Variants in NUMB observed in about 807,000 individuals in gnomAD.
NUMB encodes the protein protein numb homolog.
A neutral mutation model predicts 59.7 loss-of-function variants in NUMB; 29 were observed. That is an observed-to-expected ratio of 0.49 (90% confidence interval 0.36 to 0.66). The LOEUF (loss-of-function observed/expected upper bound fraction) is 0.66. NUMB is among the 30% of genes least tolerant of loss of function. The probability of loss-of-function intolerance (pLI) is 0.00; values close to 1 mark genes in which losing one functional copy is unlikely to be tolerated. For synonymous variants in NUMB, 288 were observed against 288.2 expected, an observed-to-expected ratio of 1.00 and a Z score of 0.01; for missense variants, 723 against 822.0, an observed-to-expected ratio of 0.88 and a Z score of 1.47.
intron 4 of NUMB, among the ~76,000 whole-genome samples, chr14:73,331,480 G>A (rs542308742): frequency 3.3e-5 from 5 of 152,238 alleles, no homozygotes; most frequent in Non-Finnish European, 5.9e-5. Context: ...CCAGGGAGGC[G>A]GAGCTTGCAG....
intron 2 of NUMB, among the ~76,000 whole-genome samples, chr14:73,408,226 C>CA (rs11293087): frequency 1.2e-4 from 18 of 144,250 alleles, no homozygotes; most frequent in East Asian, 6.1e-4. Context: ...GACTCCGTCT[C>CA]AAAAAAAAAA....
chr14:73,436,561 G>A (rs529862706), intron 1 of NUMB, among the ~76,000 whole-genome samples: 2 of 151,998 alleles, frequency 1.3e-5, no homozygotes, highest in South Asian at 2.1e-4. Flanking sequence ...CTCATGATCC[G>A]CCCACCTTGG....
intron 6 of NUMB, among the ~76,000 whole-genome samples, chr14:73,310,116 CAA>C (rs1890695305): frequency 1.3e-5 from 2 of 151,992 alleles, no homozygotes; most frequent in African/African-American, 2.4e-5. Context: ...AAAAATAAAT[CAA>C]AGTGACATAA....
At chr14:73,297,893 T>TA (rs1227812195) in intron 6 of NUMB, 1 of 150,512 alleles carries the variant, frequency 6.6e-6, no homozygotes, top group Non-Finnish European at 1.5e-5. Context: ...TCCTAATAAT[T>TA]TTTTTTTTTT....
intron 1 of NUMB, among the ~76,000 whole-genome samples, chr14:73,429,167 C>A (rs961082640): frequency 6.6e-6 from 1 of 151,510 alleles, no homozygotes; most frequent in Non-Finnish European, 1.5e-5. Flanking sequence ...GTCAGGAGAT[C>A]GAGACCATCC....
intron 1 of NUMB, among the ~76,000 whole-genome samples, chr14:73,440,485 T>C (rs77990560): frequency 0.051 from 7,790 of 151,602 alleles, 647 homozygotes; most frequent in African/African-American, 0.18. Context: ...AAAACATAGG[T>C]ATAAATATTC....
intron 4 of NUMB, among the ~76,000 whole-genome samples, chr14:73,337,089 G>A (rs973330338): frequency 6.6e-6 from 1 of 151,656 alleles, no homozygotes; most frequent in Non-Finnish European, 1.5e-5. Flanking sequence ...AAAATTAGCC[G>A]GGCGTGGTGG....
chr14:73,395,748 A>G (rs1021288079), intron 2 of NUMB, among the ~76,000 whole-genome samples: 3 of 152,224 alleles, frequency 2.0e-5, no homozygotes, highest in African/African-American at 7.2e-5. Flanking sequence ...GTAGGTATTC[A>G]TATGTATAGC....
In NUMB at chr14:73,282,470, A is replaced by T. The variant is rs1388207338; in HGVS notation, c.985T>A (p.Ser329Thr). ...EVEGEAESISSLCSQITNAFS... is the reference protein window; with the variant it reads ...EVEGEAESISTLCSQITNAFS... The stretch of plus-strand genomic sequence containing the variant: ...GCATTGGTGATCTGTGAGCACAGGG[A>T]GCTGATGCTCTCTGCCTCCCCTTCT... The change falls in exon 11 of 13, where the codon TCC becomes ACC. Residue 329 changes from serine to threonine, a missense_variant. By Grantham distance (58) the Ser-to-Thr change is moderately conservative. Coordinates refer to ENST00000555238, the MANE Select transcript of NUMB (RefSeq NM_001005743.2). 3 of 1,614,084 alleles carry T rather than the reference A, an allele frequency of 1.9e-6. No homozygotes were observed. The highest frequency in any genetic ancestry group is 2.5e-6 in the Non-Finnish European group (3 of 1,179,992).
chr14:73,336,175 T>C (rs1300446810), intron 4 of NUMB, among the ~76,000 whole-genome samples: 1 of 152,222 alleles, frequency 6.6e-6, no homozygotes. Context: ...TCTAGATCTA[T>C]CTTCTTTCAA....
At chr14:73,314,655 T>C (rs1890985501) in intron 6 of NUMB, among the ~76,000 whole-genome samples, 1 of 152,088 alleles carries the variant, frequency 6.6e-6, no homozygotes, top group Non-Finnish European at 1.5e-5. Flanking sequence ...CAATTGTCTT[T>C]CTAAAAACCA....
rs375477570 is a variant in NUMB at position 73,284,474 on chromosome 14, T to C, written c.656-100A>G. 39 of 977,088 alleles carry C rather than the reference T, an allele frequency of 4.0e-5. No homozygotes were observed. In the South Asian group the frequency reaches 6.1e-4, roughly 15 times the overall value. The allele number at this position is 977,088 out of a possible 1,614,324, so 60.5% of individuals were successfully genotyped here. On this transcript the variant is annotated intron_variant, in intron 9 of 12. Coordinates refer to ENST00000555238, the MANE Select transcript of NUMB (RefSeq NM_001005743.2). ...AAAGCCCTCTAGGTCCTTTTACCCA[T>C]TTCCTTCCCAGTGTCTCTTAAAACA...
chr14:73,337,905 C>T (rs569857806), intron 4 of NUMB, among the ~76,000 whole-genome samples: 57 of 152,262 alleles, frequency 3.7e-4, no homozygotes, highest in African/African-American at 1.3e-3. Flanking sequence ...TTGATTTCAT[C>T]CCCCATTCAC....
At chr14:73,345,298 A>G (rs987414870) in intron 4 of NUMB, among the ~76,000 whole-genome samples, 4 of 152,160 alleles carry the variant, frequency 2.6e-5, no homozygotes, top group Non-Finnish European at 4.4e-5. Context: ...TAAACAGTGA[A>G]TACACATGGA....
intron 1 of NUMB, among the ~76,000 whole-genome samples, chr14:73,420,345 G>C (rs1185861113): frequency 6.6e-6 from 1 of 152,188 alleles, no homozygotes; most frequent in Non-Finnish European, 1.5e-5. Context: ...CTGTGAAAAT[G>C]AACTGGGAAA....
rs754423641 is a variant in NUMB at position 73,276,654 on chromosome 14, G to A, written c.1880C>T (p.Ser627Phe). Residue 627 changes from serine to phenylalanine, a missense_variant, in exon 13 of 13, where the codon TCC becomes TTC. Physicochemically the swap from Ser to Phe is radical, Grantham distance 155. This residue lies in a region of NUMB where 406 missense variants were observed against 385.4 expected (regional missense o/e 1.05). Coordinates refer to ENST00000555238, the MANE Select transcript of NUMB (RefSeq NM_001005743.2). ...AGGGGAGGGATTAGTACGCTGCTTG[G>A]ACTTATTTTCTAATGCAGCCCACTG... ...EAQWAALENK[S>F]KQRTNPSPTN... The A allele has an allele frequency of 1.9e-6, 3 of 1,614,196 alleles. No individual in the cohort carries two copies. In the Admixed American group the frequency reaches 5.0e-5, roughly 27 times the overall value.
intron 2 of NUMB, among the ~76,000 whole-genome samples, chr14:73,401,890 G>A (rs1383666245): frequency 8.1e-6 from 1 of 123,144 alleles, no homozygotes; most frequent in Non-Finnish European, 1.7e-5. Flanking sequence ...TTGAGACAGG[G>A]TCTCTGTCAC....
intron 4 of NUMB, among the ~76,000 whole-genome samples, chr14:73,341,548 G>A (rs1037142538): frequency 6.6e-6 from 1 of 152,008 alleles, no homozygotes; most frequent in Non-Finnish European, 1.5e-5. Context: ...ATGGAAATGG[G>A]GTAGGAAAAG....
At chr14:73,278,330 G>A (rs1000436447) in intron 12 of NUMB, among the ~76,000 whole-genome samples, 1 of 151,808 alleles carries the variant, frequency 6.6e-6, no homozygotes, top group East Asian at 2.0e-4. Context: ...AAACAGCCTG[G>A]CCAACATGGT....
Sources: gnomAD v4.1 joint callset for allele counts (sites outside exome capture counted in the v4.1 genomes callset) on GRCh38, gnomAD v4.1.1 for gene constraint, gnomAD v4.1.1 regional missense constraint, MANE v1.5 for transcripts, NCBI Gene and HGNC (gene_info 2026-07-23, HGNC 2026-07-21) for gene names.